UGT2A2: variants seen among roughly 807,000 people sequenced by gnomAD.
The protein encoded by UGT2A2 is UDP glucuronosyltransferase family 2 member A2, also known as UDP-glucuronosyltransferase 2A2.
A neutral mutation model predicts 50.7 loss-of-function variants in UGT2A2; 60 were observed. The observed-to-expected ratio is 1.18, with a 90% CI of 0.96 to 1.47. The LOEUF is 1.47. Among genes scored for constraint, UGT2A2 ranks in the 40% most tolerant of loss-of-function variants. The pLI, the probability that UGT2A2 is intolerant of heterozygous loss-of-function variation, is 0.00. For missense variants in UGT2A2, 762 were observed against 634.0 expected (o/e 1.20, Z -2.17); for synonymous variants, 242 against 214.6 (o/e 1.13, Z -1.11).
At chr4:69,602,951 C>G (rs1719384637) in intron 1 of UGT2A2, among the ~76,000 whole-genome samples, 1 of 134,782 alleles carries the variant, frequency 7.4e-6, no homozygotes, top group Non-Finnish European at 1.6e-5. Context: ...GCCTGTAATC[C>G]CAGATACTCT....
intron 1 of UGT2A2, among the ~76,000 whole-genome samples, chr4:69,609,155 A>T (rs1009619970): frequency 7.7e-5 from 11 of 142,304 alleles, no homozygotes; most frequent in East Asian, 6.3e-4. Context: ...AATATATAAG[A>T]TTTTTTTTTT....
chr4:69,623,943 TA>T (rs948274364), intron 1 of UGT2A2, among the ~76,000 whole-genome samples: 3 of 151,692 alleles, frequency 2.0e-5, no homozygotes, highest in South Asian at 4.1e-4. Context: ...ACAAGCACCT[TA>T]AAAAAGCATC....
At chr4:69,602,448 C>G (rs927718477) in intron 1 of UGT2A2, among the ~76,000 whole-genome samples, 2 of 115,178 alleles carry the variant, frequency 1.7e-5, no homozygotes, top group Non-Finnish European at 3.6e-5. Flanking sequence ...TTTAGAATAA[C>G]AAAGATTTAG....
chr4:69,596,616 G>A (rs1374294596), intron 2 of UGT2A2, among the ~76,000 whole-genome samples: 1 of 152,004 alleles, frequency 6.6e-6, no homozygotes, highest in Non-Finnish European at 1.5e-5. Flanking sequence ...TCACCTCCCC[G>A]GTTCAAGTGA....
chr4:69,590,080 G>T (rs1718501467), intron 5 of UGT2A2, among the ~76,000 whole-genome samples: 1 of 152,110 alleles, frequency 6.6e-6, no homozygotes, highest in Admixed American at 6.5e-5. Context: ...AAGGAAATTG[G>T]CAGTCAGCAT....
At position 69,639,091 on chromosome 4, in the gene UGT2A2, G is replaced by C. The variant is rs766135364; in HGVS notation, c.550C>G (p.Pro184Ala). The change falls in exon 1 of 6, where the codon CCA (proline) becomes GCA (alanine). Residue 184 changes from proline to alanine, a missense_variant. By Grantham distance (27) the Pro-to-Ala change is conservative. Coordinates refer to ENST00000604629, the MANE Select transcript of UGT2A2 (RefSeq NM_001105677.2). ...IPFMYTLRFS[P>A]ASTVERHCGK... Reference sequence around the variant, plus strand: ...CAGTGTCTCTCCACTGTTGATGCTGGAGAGAACCTCAATGTGTACATAAAT... The same window carrying C: ...CAGTGTCTCTCCACTGTTGATGCTGCAGAGAACCTCAATGTGTACATAAAT... The C allele has an allele frequency of 6.2e-7, 1 of 1,613,456 alleles. No homozygotes were observed. Among genetic ancestry groups the C allele is most frequent in the African/African-American group, 1.3e-5 (1 of 74,998 alleles).
chr4:69,610,457 A>AT lies in UGT2A2; in HGVS notation c.743-11064dup, dbSNP rs1456699450. Reference sequence around the variant, plus strand: ...TTTTCCTGTGTTATGTATTACAAATATTTTTTTCAGTTGACTTATGAACCA... The same window carrying AT: ...TTTTCCTGTGTTATGTATTACAAATATTTTTTTTCAGTTGACTTATGAACCA... On this transcript the variant is annotated intron_variant, in intron 1 of 5. Coordinates refer to ENST00000604629, the MANE Select transcript of UGT2A2 (RefSeq NM_001105677.2). Among the ~76,000 whole-genome samples the AT allele has an allele frequency of 5.9e-5, 9 of 152,064 alleles. No homozygotes were observed. In the South Asian group the frequency reaches 6.2e-4, roughly 11 times the overall value.
intron 1 of UGT2A2, among the ~76,000 whole-genome samples, chr4:69,627,590 G>GA (rs1227740432): frequency 7.2e-6 from 1 of 138,694 alleles, no homozygotes; most frequent in African/African-American, 2.7e-5. Context: ...AAGAAAAAAA[G>GA]AAGAAAGAAA....
At chr4:69,622,355 C>G (rs1295145803) in intron 1 of UGT2A2, among the ~76,000 whole-genome samples, 2 of 151,402 alleles carry the variant, frequency 1.3e-5, no homozygotes, top group Admixed American at 6.6e-5. Flanking sequence ...AGCTAATATG[C>G]CAGTGTATTT....
In UGT2A2 at chr4:69,605,854, C is replaced by T. The variant is rs1483635646; in HGVS notation, c.743-6460G>A. On this transcript the variant is annotated intron_variant, in intron 1 of 5. Coordinates refer to ENST00000604629, the MANE Select transcript of UGT2A2 (RefSeq NM_001105677.2). ...TGAATAAATTCCTTGACACGTACAC[C>T]CTCCCAAGACTAAATCAGGAAGACA... is the stretch of plus-strand genomic sequence containing the variant. Among the ~76,000 whole-genome samples, 10 of 136,128 alleles carry T rather than the reference C, an allele frequency of 7.3e-5. 2 individuals carry two copies. The highest frequency in any genetic ancestry group is 3.0e-4 in the African/African-American group (10 of 33,532). The allele number at this position is 136,128 out of a possible 152,430, so 89.3% of individuals were successfully genotyped here.
intron 1 of UGT2A2, among the ~76,000 whole-genome samples, chr4:69,638,375 A>G (rs1721837907): frequency 6.6e-6 from 1 of 152,152 alleles, no homozygotes; most frequent in African/African-American, 2.4e-5. Context: ...GCCACAGGAT[A>G]GAGAGAAATT....
chr4:69,597,875 A>G (rs1719033095), intron 2 of UGT2A2, among the ~76,000 whole-genome samples: 1 of 152,152 alleles, frequency 6.6e-6, no homozygotes, highest in Non-Finnish European at 1.5e-5. Flanking sequence ...CATGGTTGGT[A>G]TTCATATTTC....
chr4:69,614,461 A>AAT (rs1553905296), intron 1 of UGT2A2, among the ~76,000 whole-genome samples: 5 of 151,580 alleles, frequency 3.3e-5, no homozygotes, highest in East Asian at 3.9e-4. Context: ...CAAATTAAAA[A>AAT]ATATATATAT....
chr4:69,599,303 T>C lies in UGT2A2; in HGVS notation c.834A>G (p.Leu278=). The change falls in exon 2 of 6, where the codon TTA becomes TTG. Residue 278 remains leucine (L), a synonymous_variant. Coordinates refer to ENST00000604629, the MANE Select transcript of UGT2A2 (RefSeq NM_001105677.2). ...YWDFEFPRPY[L]PNFEFVGGLH... is the part of the protein sequence containing the mutation. ...ATCCTCCAACAAACTCAAAATTAGG[T>C]AAGTATGGACGAGGAAATTCAAAAT... 6.2e-7 allele frequency: 1 copy of C among 1,613,800 alleles called. No individual in the cohort carries two copies. Among genetic ancestry groups the C allele is most frequent in the Non-Finnish European group, 8.5e-7 (1 of 1,179,918 alleles).
At chr4:69,595,496 A>G (rs1378348402) in intron 3 of UGT2A2, among the ~76,000 whole-genome samples, 1 of 152,222 alleles carries the variant, frequency 6.6e-6, no homozygotes, top group African/African-American at 2.4e-5. Flanking sequence ...TTTGGAAGTT[A>G]GATTTTAAGT....
At position 69,596,247 on chromosome 4, in the gene UGT2A2, G is replaced by A; in HGVS notation, c.1023+3C>T. 4 of 1,569,880 alleles carry A rather than the reference G, an allele frequency of 2.5e-6. No individual in the cohort carries two copies. Among genetic ancestry groups the A allele is most frequent in the Non-Finnish European group, 2.6e-6 (3 of 1,158,176 alleles). ...GTGTACCAGGATTCCAGGCTGTACT[G>A]ACCTTCTGTGGAATCTGGGCAAGGG... On this transcript the variant is annotated splice_donor_region_variant and intron_variant, in intron 3 of 5. Coordinates refer to ENST00000604629, the MANE Select transcript of UGT2A2 (RefSeq NM_001105677.2).
chr4:69,610,246 C>CAA lies in UGT2A2; in HGVS notation c.743-10854_743-10853dup, dbSNP rs4148316. Among the ~76,000 whole-genome samples the CAA allele has an allele frequency of 9.9e-3, 1,498 of 151,158 alleles. 21 individuals are homozygous for CAA. The highest frequency in any genetic ancestry group is 0.03 in the African/African-American group (1,249 of 41,264). ...TTGCATTGTTCTAATTCTGCCATTACAAAAAAAAAGTTGCATTGAATTCAT... is the reference window on the plus strand; with the variant it reads ...TTGCATTGTTCTAATTCTGCCATTACAAAAAAAAAAAGTTGCATTGAATTCAT... On this transcript the variant is annotated intron_variant, in intron 1 of 5. Coordinates refer to ENST00000604629, the MANE Select transcript of UGT2A2 (RefSeq NM_001105677.2).
At chr4:69,611,275 G>GGC (rs1720029076) in intron 1 of UGT2A2, among the ~76,000 whole-genome samples, 1 of 102,112 alleles carries the variant, frequency 9.8e-6, no homozygotes, top group Middle Eastern at 5.6e-3. Flanking sequence ...TCTCCCAGTA[G>GGC]GTCACCTCCA....
chr4:69,628,464 T>A (rs1167575886), intron 1 of UGT2A2, among the ~76,000 whole-genome samples: 1 of 151,632 alleles, frequency 6.6e-6, no homozygotes, highest in South Asian at 2.1e-4. Flanking sequence ...GGTCAGCTGG[T>A]CTTTCAACAA....
Sources: allele counts gnomAD v4.1 joint callset (sites outside exome capture counted in the v4.1 genomes callset), GRCh38; gene constraint gnomAD v4.1.1; transcripts MANE v1.5; gene names NCBI Gene and HGNC (gene_info 2026-07-23, HGNC 2026-07-21).